Variants in IL1RAPL1 observed in about 807,000 individuals in gnomAD.
IL1RAPL1 encodes the protein interleukin 1 receptor accessory protein like 1.
IL1RAPL1 carries 3 observed loss-of-function variants against 48.4 expected under a neutral mutation model. The ratio of observed to expected loss-of-function variants is 0.06; its 90% CI spans 0.03 to 0.16. The LOEUF is 0.16. Among genes scored for constraint, IL1RAPL1 ranks in the 10% least tolerant of loss-of-function variants. The pLI is 1.00. For synonymous variants in IL1RAPL1, 185 were observed against 187.7 expected, an observed-to-expected ratio of 0.99 and a Z score of 0.12; for missense variants, 349 against 530.6, an observed-to-expected ratio of 0.66 and a Z score of 3.36.
chrX:29,179,272 T>A (rs935285021), intron 2 of IL1RAPL1, among the ~76,000 whole-genome samples: 3 of 111,598 alleles, frequency 2.7e-5, no homozygotes, highest in East Asian at 5.6e-4. Context: ...TTTATTTCAT[T>A]GAGCAGTGGT....
intron 3 of IL1RAPL1, among the ~76,000 whole-genome samples, chrX:29,315,644 T>C (rs758458707): frequency 8.9e-6 from 1 of 111,838 alleles, no homozygotes; most frequent in South Asian, 3.7e-4. Flanking sequence ...ATTTAAACAA[T>C]ATTCTTAAGG....
At chrX:29,123,005 TTTTATTTATTTA>T (rs201703450) in intron 2 of IL1RAPL1, among the ~76,000 whole-genome samples, 91 of 101,717 alleles carry the variant, frequency 8.9e-4, no homozygotes, top group African/African-American at 2.9e-3. Context: ...GAATAGCACG[TTTTATTTATTTA>T]TTTATTTATT....
intron 1 of IL1RAPL1, among the ~76,000 whole-genome samples, chrX:28,740,087 A>G (rs1401794076): frequency 9.0e-6 from 1 of 111,248 alleles, no homozygotes; most frequent in Non-Finnish European, 1.9e-5. Context: ...CAGCATACTC[A>G]TTAATATCGT....
intron 6 of IL1RAPL1, among the ~76,000 whole-genome samples, chrX:29,670,323 T>C (rs1386954608): frequency 1.8e-5 from 2 of 112,128 alleles, no homozygotes; most frequent in African/African-American, 6.5e-5. Flanking sequence ...TATACATTCA[T>C]TTGAAGAAAT....
chrX:29,381,196 C>A (rs1280660248), intron 3 of IL1RAPL1, among the ~76,000 whole-genome samples: 1 of 109,563 alleles, frequency 9.1e-6, no homozygotes, highest in Non-Finnish European at 1.9e-5. Context: ...AAATTAATAG[C>A]TTTGTGTAAA....
intron 2 of IL1RAPL1, among the ~76,000 whole-genome samples, chrX:29,088,370 C>T (rs1928000319): frequency 9.0e-6 from 1 of 111,367 alleles, no homozygotes; most frequent in Non-Finnish European, 1.9e-5. Flanking sequence ...GTTCTTGTTG[C>T]ATGTTTACAT....
intron 5 of IL1RAPL1, among the ~76,000 whole-genome samples, chrX:29,608,137 C>T (rs755202234): frequency 8.9e-6 from 1 of 112,141 alleles, no homozygotes; most frequent in African/African-American, 3.2e-5. Context: ...GATGTCCCCT[C>T]TTTCCACATG....
chrX:29,606,017 A>G (rs1263568624), intron 5 of IL1RAPL1, among the ~76,000 whole-genome samples: 1 of 112,231 alleles, frequency 8.9e-6, no homozygotes, highest in African/African-American at 3.2e-5. Flanking sequence ...ACCTAGCTCT[A>G]TAACCTAAAT....
chrX:29,053,361 T>C (rs999190917), intron 2 of IL1RAPL1, among the ~76,000 whole-genome samples: 3 of 111,788 alleles, frequency 2.7e-5, no homozygotes, highest in Non-Finnish European at 5.6e-5. Context: ...GTCTTTATGA[T>C]AGAAGGATTT....
At chrX:29,347,233 T>G (rs1014541988) in intron 3 of IL1RAPL1, among the ~76,000 whole-genome samples, 12 of 111,390 alleles carry the variant, frequency 1.1e-4, no homozygotes, top group Middle Eastern at 4.7e-3. Context: ...AACTAAGAAC[T>G]TATATACTGT....
chrX:28,862,958 G>A (rs778856214), intron 2 of IL1RAPL1, among the ~76,000 whole-genome samples: 4 of 109,978 alleles, frequency 3.6e-5, no homozygotes, highest in South Asian at 7.9e-4. Context: ...CTTGGCTCAC[G>A]GCAACATCCG....
At chrX:29,765,245 CTTTT>C (rs68094158) in intron 6 of IL1RAPL1, among the ~76,000 whole-genome samples, 21 of 81,692 alleles carry the variant, frequency 2.6e-4, no homozygotes, top group Middle Eastern at 6.6e-3. Context: ...TAGTTCTAGG[CTTTT>C]TTTTTTTTTT....
chrX:29,449,927 CAA>C (rs1163489149), intron 5 of IL1RAPL1, among the ~76,000 whole-genome samples: 1 of 95,777 alleles, frequency 1.0e-5, no homozygotes, highest in East Asian at 3.2e-4. Context: ...AAAAATGGAC[CAA>C]AAAAAAAAAC....
intron 1 of IL1RAPL1, among the ~76,000 whole-genome samples, chrX:28,736,794 G>T (rs1213067989): frequency 1.8e-5 from 2 of 111,967 alleles, no homozygotes; most frequent in Non-Finnish European, 3.8e-5. Flanking sequence ...TTGTTTCATA[G>T]ATTTGAGAGA....
intron 2 of IL1RAPL1, among the ~76,000 whole-genome samples, chrX:29,236,535 CTTTTTTTTTCTTTTTTTTTTTTTTTTT>C (rs1931301912): frequency 5.1e-5 from 3 of 59,001 alleles, no homozygotes; most frequent in Non-Finnish European, 1.1e-4. Context: ...CTTTCTTTTT[CTTTTTTTTTCTTTTTTTTTTTTTTTTT>C]TTTTTTTTGA....
chrX:29,410,425 C>T (rs1342165531), intron 5 of IL1RAPL1, among the ~76,000 whole-genome samples: 2 of 107,831 alleles, frequency 1.9e-5, no homozygotes, highest in Non-Finnish European at 3.8e-5. Flanking sequence ...CACACCACTG[C>T]ACTCTAGCCT....
At chrX:28,692,160 A>G (rs1935185228) in intron 1 of IL1RAPL1, among the ~76,000 whole-genome samples, 1 of 111,365 alleles carries the variant, frequency 9.0e-6, no homozygotes, top group South Asian at 3.8e-4. Flanking sequence ...CATGAGAGCT[A>G]GAACTTACCA....
At chrX:29,915,096 C>T (rs933196560) in intron 6 of IL1RAPL1, among the ~76,000 whole-genome samples, 1 of 111,643 alleles carries the variant, frequency 9.0e-6, no homozygotes, top group African/African-American at 3.3e-5. Flanking sequence ...TAGTTCAAGA[C>T]CGGCCTGGCC....
intron 2 of IL1RAPL1, among the ~76,000 whole-genome samples, chrX:28,885,045 G>T (rs1922595703): frequency 9.0e-6 from 1 of 111,190 alleles, no homozygotes; most frequent in African/African-American, 3.3e-5. Context: ...CTGGTAAAAA[G>T]AGAATTTTAA....
Sources: allele counts gnomAD v4.1 joint callset (sites outside exome capture counted in the v4.1 genomes callset), GRCh38; gene constraint gnomAD v4.1.1; transcripts MANE v1.5; gene names NCBI Gene and HGNC (gene_info 2026-07-23, HGNC 2026-07-21).